ATP9B: variants seen among roughly 807,000 people sequenced by gnomAD.
ATP9B encodes the protein probable phospholipid-transporting ATPase IIB.
ATP9B carries 110 observed loss-of-function variants against 146.1 expected under a neutral mutation model. The ratio of observed to expected loss-of-function variants is 0.75; its 90% CI spans 0.65 to 0.88. The LOEUF is 0.88. Ranked by LOEUF, ATP9B falls within the 40% of genes least tolerant of loss-of-function variation. The pLI, the probability that ATP9B is intolerant of heterozygous loss-of-function variation, is 0.00. For synonymous variants in ATP9B, 604 were observed against 569.7 expected, an observed-to-expected ratio of 1.06 and a Z score of -0.86; for missense variants, 1,499 against 1,496.4, an observed-to-expected ratio of 1.00 and a Z score of -0.03.
chr18:79,360,288 C>T (rs2096980201), intron 26 of ATP9B: 1 of 152,170 alleles, frequency 6.6e-6, no homozygotes, highest in African/African-American at 2.4e-5. Flanking sequence ...TTTAGATTTA[C>T]AATCGATAAA....
intron 8 of ATP9B, among the ~76,000 whole-genome samples, chr18:79,179,313 C>T (rs966855388): frequency 2.0e-5 from 3 of 151,926 alleles, no homozygotes; most frequent in Non-Finnish European, 4.4e-5. Flanking sequence ...TTCCTTCATT[C>T]TACATAGTTT....
rs747563573 is a variant in ATP9B, at chr18:79,119,367, TTC to T, written c.558+6017_558+6018del. 5.9e-5 allele frequency among the ~76,000 whole-genome samples: 9 copies of T among 152,312 alleles called. No homozygotes were observed. The South Asian group carries it at 1.0e-3, about 18-fold the overall frequency. On this transcript the variant is annotated intron_variant, in intron 4 of 29. Transcript: ENST00000426216. The stretch of plus-strand genomic sequence containing the variant: ...TCTGTTTACCAAGACGAGAAAACGT[TTC>T]TCTGTTTTTTCTTTTCATATGATTG...
chr18:79,149,737 A>G lies in ATP9B; in HGVS notation c.727-4767A>G, dbSNP rs193211948. 5.3e-5 allele frequency among the ~76,000 whole-genome samples: 8 copies of G among 152,234 alleles called. No homozygotes were observed. In the East Asian group the frequency reaches 1.5e-3, roughly 29 times the overall value. On this transcript the variant is annotated intron_variant, in intron 6 of 29. Transcript: ENST00000426216. ...AAAAAAAAAAAAAATTTGAAATTAG[A>G]AAATGAGCAAAAGATTTCAAGAGAC...
chr18:79,248,629 T>C (rs1017633784), intron 11 of ATP9B, among the ~76,000 whole-genome samples: 3 of 152,234 alleles, frequency 2.0e-5, no homozygotes, highest in African/African-American at 4.8e-5. Flanking sequence ...TCTTCTCTGC[T>C]AGTGCAGAGT....
At chr18:79,232,348 C>T (rs1468531255) in intron 11 of ATP9B, among the ~76,000 whole-genome samples, 1 of 152,232 alleles carries the variant, frequency 6.6e-6, no homozygotes, top group Non-Finnish European at 1.5e-5. Context: ...GTGTGATAAA[C>T]ATGAGTTCTC....
chr18:79,126,250 C>A lies in ATP9B; in HGVS notation c.559-17C>A. 1.3e-6 allele frequency: 2 copies of A among 1,557,938 alleles called. No individual in the cohort carries two copies. Among genetic ancestry groups the A allele is most frequent in the Non-Finnish European group, 1.7e-6 (2 of 1,147,458 alleles). ...TTAAAGTTTAGTTTTCTAAAAATAC[C>A]TTATTTTGTTTTATAGGGATTTGTC... is the stretch of plus-strand genomic sequence containing the variant. On this transcript the variant is annotated splice_polypyrimidine_tract_variant and intron_variant, in intron 4 of 29. Transcript: ENST00000426216.
chr18:79,256,646 T>C (rs2096084327), intron 12 of ATP9B, among the ~76,000 whole-genome samples: 1 of 152,076 alleles, frequency 6.6e-6, no homozygotes, highest in South Asian at 2.1e-4. Flanking sequence ...AAAGTTAAGC[T>C]TTATCTTTAC....
rs530022481 is a variant in ATP9B at position 79,190,578 on chromosome 18, C to G, written c.874-2605C>G. ...TATATTTTTGGCACAGAGTTTTGCT[C>G]TGTCACCCAGGCTGGAGTGCAGTGG... On this transcript the variant is annotated intron_variant, in intron 8 of 29. Coordinates refer to ENST00000426216, the MANE Select transcript of ATP9B (RefSeq NM_198531.5). Among the ~76,000 whole-genome samples the G allele has an allele frequency of 7.2e-5, 11 of 151,902 alleles. No homozygotes were observed. The East Asian group carries it at 2.1e-3, about 30-fold the overall frequency.
chr18:79,317,016 A>G (rs2096684408), intron 15 of ATP9B, among the ~76,000 whole-genome samples: 1 of 152,232 alleles, frequency 6.6e-6, no homozygotes, highest in Admixed American at 6.5e-5. Context: ...TATGTTTTCA[A>G]AGACAGTAAA....
chr18:79,245,625 G>GT (rs879301819), intron 11 of ATP9B, among the ~76,000 whole-genome samples: 9 of 70,320 alleles, frequency 1.3e-4, no homozygotes, highest in Non-Finnish European at 1.9e-4. Context: ...CCTACTGACT[G>GT]GGGAGGGTAC....
chr18:79,308,707 G>A (rs1334679962), intron 15 of ATP9B, among the ~76,000 whole-genome samples: 102 of 137,454 alleles, frequency 7.4e-4, no homozygotes, highest in Non-Finnish European at 7.9e-4. Context: ...AGAAGGTCAG[G>A]GGTGGTGGAG....
At chr18:79,336,880 C>T (rs529877309) in intron 18 of ATP9B, among the ~76,000 whole-genome samples, 169 bp downstream of exon 18, 1 of 152,338 alleles carries the variant, frequency 6.6e-6, no homozygotes, top group African/African-American at 2.4e-5. Context: ...TTTCTGTTTC[C>T]ACCATTTCTC....
intron 8 of ATP9B, among the ~76,000 whole-genome samples, chr18:79,190,657 T>G (rs1568366832): frequency 6.6e-6 from 1 of 152,100 alleles, no homozygotes; most frequent in Non-Finnish European, 1.5e-5. Flanking sequence ...AGTTTTCTCC[T>G]GCTTTAGGCT....
intron 4 of ATP9B, among the ~76,000 whole-genome samples, chr18:79,123,927 A>C (rs1344708414): frequency 6.6e-6 from 1 of 152,240 alleles, no homozygotes; most frequent in Non-Finnish European, 1.5e-5. Flanking sequence ...CAACGTCATT[A>C]GTCAGTAGAG....
At chr18:79,287,069 C>G (rs1330670365) in intron 13 of ATP9B, among the ~76,000 whole-genome samples, 1 of 152,154 alleles carries the variant, frequency 6.6e-6, no homozygotes, top group African/African-American at 2.4e-5. Context: ...GGATACTGGT[C>G]TAAAATTCTC....
chr18:79,071,820 C>G (rs377744005), intron 1 of ATP9B, among the ~76,000 whole-genome samples: 2 of 142,974 alleles, frequency 1.4e-5, no homozygotes, highest in African/African-American at 5.3e-5. Flanking sequence ...TTTACTTTGT[C>G]TTTAGTTTTC....
intron 20 of ATP9B, 61 bp downstream of exon 20, chr18:79,342,427 A>G (rs1600194200): frequency 4.4e-6 from 5 of 1,135,512 alleles, no homozygotes; most frequent in Middle Eastern, 2.2e-4. Flanking sequence ...AACGAAGCCT[A>G]TTGTTTTTGT....
chr18:79,198,716 A>G lies in ATP9B; in HGVS notation c.954+5453A>G, dbSNP rs551838910. 4.6e-5 allele frequency among the ~76,000 whole-genome samples: 7 copies of G among 152,198 alleles called. No homozygotes were observed. The East Asian group carries it at 1.3e-3, about 29-fold the overall frequency. On this transcript the variant is annotated intron_variant, in intron 9 of 29. Coordinates refer to ENST00000426216, the MANE Select transcript of ATP9B (RefSeq NM_198531.5). ...TATCTAACCATAGAAAAGGTACAGT[A>G]AAAAATGCTGTATAAAAGATTAAGA...
At chr18:79,240,450 G>A (rs2095877158) in intron 11 of ATP9B, among the ~76,000 whole-genome samples, 1 of 152,254 alleles carries the variant, frequency 6.6e-6, no homozygotes, top group African/African-American at 2.4e-5. Flanking sequence ...AGTTTGAGTA[G>A]TTAATGGAAA....
Sources: allele counts gnomAD v4.1 joint callset (sites outside exome capture counted in the v4.1 genomes callset), GRCh38; gene constraint gnomAD v4.1.1; transcripts MANE v1.5; gene names NCBI Gene and HGNC (gene_info 2026-07-23, HGNC 2026-07-21).